Variants in FRMD5 observed in about 807,000 individuals in gnomAD.
FRMD5 encodes the protein FERM domain-containing protein 5.
FRMD5 carries 20 observed loss-of-function variants against 69.0 expected under a neutral mutation model. The ratio of observed to expected loss-of-function variants is 0.29; its 90% CI spans 0.20 to 0.42. The LOEUF (loss-of-function observed/expected upper bound fraction) is 0.42. Among genes scored for constraint, FRMD5 ranks in the 10% least tolerant of loss-of-function variants. The probability of loss-of-function intolerance (pLI) is 1.00; values close to 1 mark genes in which losing one functional copy is unlikely to be tolerated. For synonymous variants in FRMD5, 271 were observed against 260.1 expected (o/e 1.04, Z -0.40); for missense variants, 595 against 708.6 (o/e 0.84, Z 1.82).
At chr15:43,979,713 C>T (rs957081622) in intron 1 of FRMD5, among the ~76,000 whole-genome samples, 2 of 152,144 alleles carry the variant, frequency 1.3e-5, no homozygotes, top group African/African-American at 4.8e-5. Context: ...TGGAGATACT[C>T]TGAATATTTT....
At chr15:43,933,970 C>T (rs944841461) in intron 1 of FRMD5, among the ~76,000 whole-genome samples, 2 of 152,228 alleles carry the variant, frequency 1.3e-5, no homozygotes, top group Non-Finnish European at 2.9e-5. Flanking sequence ...CATGTCCTAT[C>T]CTGGCCTTTG....
rs117391965 is a variant in FRMD5 at position 44,161,847 on chromosome 15, A to C, written c.102+33106T>G. 3.2e-3 allele frequency among the ~76,000 whole-genome samples: 491 copies of C among 152,314 alleles called. 13 individuals are homozygous for C. The East Asian group carries it at 0.051, about 16-fold the overall frequency. On this transcript the variant is annotated intron_variant, in intron 1 of 13. Transcript: ENST00000417257. ...TTTCACAGGAAATTGAATTCAGCTG[A>C]GACTTTTATCTCTACTTTTGTACTG...
At chr15:44,037,631 C>CTT (rs1244770402) in intron 1 of FRMD5, among the ~76,000 whole-genome samples, 5 of 141,210 alleles carry the variant, frequency 3.5e-5, no homozygotes, top group African/African-American at 1.0e-4. Flanking sequence ...CCACACCCAG[C>CTT]TTTTTTTTTT....
intron 1 of FRMD5, among the ~76,000 whole-genome samples, chr15:43,949,269 C>T (rs2089991754): frequency 6.6e-6 from 1 of 152,220 alleles, no homozygotes; most frequent in African/African-American, 2.4e-5. Flanking sequence ...TCCTTCCCTT[C>T]CCCTCAGTCC....
intron 1 of FRMD5, among the ~76,000 whole-genome samples, chr15:43,985,973 G>C (rs1458798170): frequency 6.6e-6 from 1 of 152,200 alleles, no homozygotes. Context: ...AGGAATGCAG[G>C]AATTGACTGA....
At chr15:43,927,986 C>T (rs1468725179) in intron 1 of FRMD5, among the ~76,000 whole-genome samples, 1 of 152,086 alleles carries the variant, frequency 6.6e-6, no homozygotes, top group African/African-American at 2.4e-5. Flanking sequence ...TGGTAAGAAC[C>T]CTGAACTTGG....
At chr15:44,108,351 T>A (rs28631760) in intron 1 of FRMD5, among the ~76,000 whole-genome samples, 99 of 151,600 alleles carry the variant, frequency 6.5e-4, no homozygotes, top group African/African-American at 2.2e-3. Flanking sequence ...AAAATAAAAA[T>A]AAAAAAAATA....
At chr15:44,129,868 C>T (rs1053527578) in intron 1 of FRMD5, among the ~76,000 whole-genome samples, 3 of 152,128 alleles carry the variant, frequency 2.0e-5, no homozygotes, top group Non-Finnish European at 4.4e-5. Flanking sequence ...AGGACCCTTC[C>T]CATGATTGAC....
intron 1 of FRMD5, among the ~76,000 whole-genome samples, chr15:43,957,497 C>A (rs2090133868): frequency 6.6e-6 from 1 of 152,206 alleles, no homozygotes; most frequent in Non-Finnish European, 1.5e-5. Flanking sequence ...TAAGCCCAGC[C>A]TCTGATAATT....
intron 1 of FRMD5, among the ~76,000 whole-genome samples, chr15:44,002,901 G>T (rs1890276029): frequency 6.6e-6 from 1 of 151,980 alleles, no homozygotes; most frequent in South Asian, 2.1e-4. Flanking sequence ...TTCCATACTT[G>T]TAACTCCCTT....
intron 6 of FRMD5, among the ~76,000 whole-genome samples, chr15:43,905,303 AT>A (rs1348378575): frequency 6.6e-6 from 1 of 151,706 alleles, no homozygotes; most frequent in Non-Finnish European, 1.5e-5. Flanking sequence ...TGCCTGGCTA[AT>A]TTTTGTATTT....
chr15:44,126,164 C>T (rs1277487346), intron 1 of FRMD5, among the ~76,000 whole-genome samples: 1 of 152,158 alleles, frequency 6.6e-6, no homozygotes, highest in Non-Finnish European at 1.5e-5. Flanking sequence ...TCATTTTCTC[C>T]TTTTCTCTTA....
chr15:44,006,454 A>C (rs1890452906), intron 1 of FRMD5, among the ~76,000 whole-genome samples: 1 of 152,204 alleles, frequency 6.6e-6, no homozygotes, highest in Non-Finnish European at 1.5e-5. Context: ...ATCAAGGAGT[A>C]ATTTGCACTT....
intron 1 of FRMD5, among the ~76,000 whole-genome samples, chr15:43,963,299 T>C (rs2090235187): frequency 1.3e-5 from 2 of 152,078 alleles, no homozygotes; most frequent in African/African-American, 4.8e-5. Flanking sequence ...AAAAAACACA[T>C]GAAAAAATGC....
In FRMD5 at chr15:43,913,614, A is replaced by G. The variant is rs915610088; in HGVS notation, c.330-3635T>C. On this transcript the variant is annotated intron_variant, in intron 4 of 13. Coordinates refer to ENST00000417257, the MANE Select transcript of FRMD5 (RefSeq NM_032892.5). ...CCTGCCACACAAGGGCCTAAGGAAG[A>G]CTATCTTGTTGCCTGAGGCACTATC... 1.2e-3 allele frequency among the ~76,000 whole-genome samples: 178 copies of G among 152,366 alleles called. 1 individual carries two copies. Among genetic ancestry groups the G allele is most frequent in the African/African-American group, 4.2e-3 (173 of 41,582 alleles).
At chr15:43,996,854 C>T (rs74009163) in intron 1 of FRMD5, among the ~76,000 whole-genome samples, 21 of 150,670 alleles carry the variant, frequency 1.4e-4, no homozygotes, top group Middle Eastern at 3.4e-3. Context: ...CATCTTTTAA[C>T]GAGATCCCCA....
rs1449074365 is a variant in FRMD5, at chr15:43,953,955, T to C, written c.103-29646A>G. ...ATGTTAAATGACTGCCTGAAGTTTA[T>C]GGCACAGTTTAAACTGGTTCCCAGG... is the stretch of plus-strand genomic sequence containing the variant. On this transcript the variant is annotated intron_variant, in intron 1 of 13. Coordinates refer to ENST00000417257, the MANE Select transcript of FRMD5 (RefSeq NM_032892.5). 3.3e-5 allele frequency among the ~76,000 whole-genome samples: 5 copies of C among 152,348 alleles called. No homozygotes were observed. The East Asian group carries it at 9.6e-4, about 29-fold the overall frequency.
chr15:44,139,372 TA>T (rs1216938373), intron 1 of FRMD5, among the ~76,000 whole-genome samples: 5 of 149,072 alleles, frequency 3.4e-5, no homozygotes, highest in Non-Finnish European at 4.5e-5. Flanking sequence ...GAGACTAAGT[TA>T]AAAAAAAATC....
chr15:44,127,956 GCAATCTGGCTTTTCAACATTTT>G (rs1013254874), intron 1 of FRMD5, among the ~76,000 whole-genome samples: 1 of 152,158 alleles, frequency 6.6e-6, no homozygotes, highest in Non-Finnish European at 1.5e-5. Flanking sequence ...GGCAGCTGTA[GCAATCTGGCTTTTCAACATTTT>G]CCCTTTTGCT....
Sources: gnomAD v4.1 joint callset for allele counts (sites outside exome capture counted in the v4.1 genomes callset) on GRCh38, gnomAD v4.1.1 for gene constraint, MANE v1.5 for transcripts, NCBI Gene and HGNC (gene_info 2026-07-23, HGNC 2026-07-21) for gene names.